PICK1: variants seen among roughly 807,000 people sequenced by gnomAD.
PICK1 encodes the protein PRKCA-binding protein.
A neutral mutation model predicts 48.9 loss-of-function variants in PICK1; 23 were observed. That is an observed-to-expected ratio of 0.47 (90% CI 0.34 to 0.67). The LOEUF (loss-of-function observed/expected upper bound fraction) is 0.67, where lower values mean the gene tolerates loss of function less well. Ranked by LOEUF, PICK1 falls within the 30% of genes least tolerant of loss-of-function variation. The pLI is 0.01. For missense variants in PICK1, 423 were observed against 557.1 expected (o/e 0.76, Z 2.42); for synonymous variants, 217 against 228.2 (o/e 0.95, Z 0.44).
At position 38,065,068 on chromosome 22, in the gene PICK1, A is replaced by G; in HGVS notation, c.220A>G (p.Asn74Asp). ...AGCTGGCGATGAGATCACCGGTGTC[A>G]ATGGCAGGTCAATCAAAGGGAAAAC... is the stretch of plus-strand genomic sequence containing the variant. ...VAAGDEITGV[N>D]GRSIKGKTKV... The change falls in exon 4 of 13, where the codon AAT becomes GAT. Residue 74 changes from asparagine (N) to aspartate (D), a missense_variant. Asn to Asp is a conservative substitution (Grantham distance 23, BLOSUM62 1). Coordinates refer to ENST00000356976, the MANE Select transcript of PICK1 (RefSeq NM_012407.4). The G allele has an allele frequency of 3.7e-6, 6 of 1,614,092 alleles. No individual in the cohort carries two copies. The highest frequency in any genetic ancestry group is 5.1e-6 in the Non-Finnish European group (6 of 1,179,986).
chr22:38,058,094 G>A, intron 2 of PICK1: 2 of 571,598 alleles, frequency 3.5e-6, no homozygotes, highest in South Asian at 4.0e-5. Context: ...GAAGAGCAAA[G>A]CAGATGGAGC....
At chr22:38,064,034 T>C (rs796639801) in intron 3 of PICK1, among the ~76,000 whole-genome samples, 7 of 152,304 alleles carry the variant, frequency 4.6e-5, no homozygotes, top group African/African-American at 1.7e-4. Context: ...ATTTAGGTCT[T>C]TGAACAATTT....
Position 38,065,652 on chromosome 22 carries a change from G to C in PICK1, c.282+522G>C, listed in dbSNP as rs968783192. On this transcript the variant is annotated intron_variant, in intron 4 of 12. Coordinates refer to ENST00000356976, the MANE Select transcript of PICK1 (RefSeq NM_012407.4). ...CCCCTCCCAGGCCAGCTGATCTTCT[G>C]CTCTACAGACCAGAGTCACACACTG... 5.9e-5 allele frequency among the ~76,000 whole-genome samples: 9 copies of C among 152,084 alleles called. No homozygotes were observed. The East Asian group carries it at 1.7e-3, about 30-fold the overall frequency.
At chr22:38,063,777 G>A (rs2085461954) in intron 3 of PICK1, among the ~76,000 whole-genome samples, 1 of 151,582 alleles carries the variant, frequency 6.6e-6, no homozygotes, top group Admixed American at 6.6e-5. Flanking sequence ...CAAGTAGCTG[G>A]GACTACAGGC....
chr22:38,070,114 C>T (rs982892898), intron 6 of PICK1, among the ~76,000 whole-genome samples: 2 of 152,222 alleles, frequency 1.3e-5, no homozygotes, highest in African/African-American at 4.8e-5. Flanking sequence ...CGCACTGCCA[C>T]CTCCCTGCCC....
rs918994919 is a variant in PICK1, at chr22:38,074,510, C to T, written c.979+59C>T. On this transcript the variant is annotated intron_variant, in intron 12 of 12. Transcript: ENST00000356976. This position sits in a 1 kb window ranked among gnomAD's most constrained non-coding sequence, Gnocchi z 4.5. The stretch of plus-strand genomic sequence containing the variant: ...TTTCAGAGGTGGGAAAACTGAGGCC[C>T]AGAGGGGTACTCTCAGGGCCAGGCC... 1.3e-6 allele frequency: 2 copies of T among 1,598,624 alleles called. No homozygotes were observed. Among genetic ancestry groups the T allele is most frequent in the African/African-American group, 2.7e-5 (2 of 74,548 alleles).
Position 38,072,604 on chromosome 22 carries a change from C to A in PICK1, c.684C>A (p.Ile228=), listed in dbSNP as rs761803705. The A allele has an allele frequency of 6.2e-7, 1 of 1,612,966 alleles. No individual in the cohort carries two copies. The highest frequency in any genetic ancestry group is 8.5e-7 in the Non-Finnish European group (1 of 1,180,030). The change falls in exon 9 of 13, where the codon ATC becomes ATA. Residue 228 remains isoleucine, a synonymous_variant. Transcript: ENST00000356976. ...EKFGIRLLKT[I]KPMLTDLNTY... ...TCGGCATTCGGCTTCTGAAAACCATCAAGCCGGTAGGTCCTATTGAGCATG... is the reference window on the plus strand; with the variant it reads ...TCGGCATTCGGCTTCTGAAAACCATAAAGCCGGTAGGTCCTATTGAGCATG...
chr22:38,071,997 T>C (rs1755213891), intron 8 of PICK1: 1 of 558,108 alleles, frequency 1.8e-6, no homozygotes, highest in Admixed American at 3.1e-5. Flanking sequence ...GGCCCTTGCT[T>C]ATTTATATTT....
intron 3 of PICK1, among the ~76,000 whole-genome samples, chr22:38,062,589 C>G (rs2085430223): frequency 6.6e-6 from 1 of 152,158 alleles, no homozygotes; most frequent in African/African-American, 2.4e-5. Flanking sequence ...GTCTCTCCCC[C>G]TTGTGCCCTC....
intron 9 of PICK1, 40 bp downstream of exon 9, chr22:38,072,650 G>T (rs761891777): frequency 6.2e-7 from 1 of 1,609,200 alleles, no homozygotes; most frequent in South Asian, 1.1e-5. Flanking sequence ...GCGTGTGAGG[G>T]TGGGGAGGGG....
chr22:38,074,030 T>A lies in PICK1; in HGVS notation c.834+207T>A, dbSNP rs2085767914. The A allele has an allele frequency of 1.6e-6, 1 of 637,232 alleles. No individual in the cohort carries two copies. Among genetic ancestry groups the A allele is most frequent in the Non-Finnish European group, 2.7e-6 (1 of 366,104 alleles). The allele number at this position is 637,232 out of a possible 1,614,324, so 39.5% of individuals were successfully genotyped here. On this transcript the variant is annotated intron_variant, in intron 11 of 12. Transcript: ENST00000356976. The surrounding 1 kb of genome is among the most constrained non-coding windows in gnomAD (Gnocchi z 4.5). ...GAACCACTCCCTCAGTCTGGGGGAC[T>A]CTTGGAGGGAAATCGGATTTTCTTC...
At chr22:38,058,678 G>A (rs1267483261) in intron 2 of PICK1, among the ~76,000 whole-genome samples, 1 of 152,164 alleles carries the variant, frequency 6.6e-6, no homozygotes, top group Non-Finnish European at 1.5e-5. Flanking sequence ...TTATGGATGA[G>A]GAAATTGAGA....
intron 7 of PICK1, 72 bp from the exon 8 acceptor site, chr22:38,071,610 G>C: frequency 7.4e-7 from 1 of 1,344,488 alleles, no homozygotes; most frequent in Non-Finnish European, 1.1e-6. Flanking sequence ...ATGGGCAATT[G>C]GAGGCCTTGC....
At chr22:38,064,935 G>C (rs773303120) in intron 3 of PICK1, 67 bp from the exon 4 acceptor site, 285 of 1,576,516 alleles carry the variant, frequency 1.8e-4, no homozygotes, top group Middle Eastern at 6.2e-4. Context: ...GCAGTGGTCA[G>C]GTGTCTTCCC....
chr22:38,073,185 G>A lies in PICK1; in HGVS notation c.783+93G>A. 1 of 870,980 alleles carries A rather than the reference G, an allele frequency of 1.1e-6. No homozygotes were observed. The highest frequency in any genetic ancestry group is 2.0e-6 in the Non-Finnish European group (1 of 510,084). 54.0% of individuals were successfully genotyped at this position (870,980 alleles called of 1,614,324 possible). On this transcript the variant is annotated intron_variant, in intron 10 of 12. Coordinates refer to ENST00000356976, the MANE Select transcript of PICK1 (RefSeq NM_012407.4). This position sits in a 1 kb window ranked among gnomAD's most constrained non-coding sequence, Gnocchi z 5.7. ...AGCCATGCTGCGGCCAGCGAGGCCA[G>A]CCAGAGCTGACAGCATGTCTGCTCC...
In PICK1 at chr22:38,074,413, A is replaced by G. The variant is rs2085781474; in HGVS notation, c.941A>G (p.Asp314Gly). The G allele has an allele frequency of 1.2e-6, 2 of 1,613,074 alleles. No homozygotes were observed. The highest frequency in any genetic ancestry group is 1.7e-6 in the Non-Finnish European group (2 of 1,179,946). Reference sequence around the variant, plus strand: ...GCCCGCTTCTCCCAGATGCGCAAGGATGTGCTGGAGAAGATGGAGCTGCTG... The same window carrying G: ...GCCCGCTTCTCCCAGATGCGCAAGGGTGTGCTGGAGAAGATGGAGCTGCTG... ...ARARFSQMRK[D>G]VLEKMELLDQ... Residue 314 changes from aspartate to glycine, a missense_variant, in exon 12 of 13, where the codon GAT (aspartate) becomes GGT (glycine). Physicochemically the swap from Asp to Gly is moderately conservative, Grantham distance 94. This residue lies in a region of PICK1 where 144 missense variants were observed against 139.3 expected (regional missense o/e 1.03). Coordinates refer to ENST00000356976, the MANE Select transcript of PICK1 (RefSeq NM_012407.4). The surrounding 1 kb of genome is among the most constrained non-coding windows in gnomAD (Gnocchi z 4.5).
Position 38,071,751 on chromosome 22 carries a change from G to A in PICK1, c.556+7G>A. On this transcript the variant is annotated splice_region_variant and intron_variant, in intron 8 of 12. Transcript: ENST00000356976. ...CTGTCGCAGACTCACCGGGGTAATGGCATCCCCCAAAGCTGTGGTGTGACC... is the reference window on the plus strand; with the variant it reads ...CTGTCGCAGACTCACCGGGGTAATGACATCCCCCAAAGCTGTGGTGTGACC... 6.2e-7 allele frequency: 1 copy of A among 1,611,154 alleles called. No homozygotes were observed. Among genetic ancestry groups the A allele is most frequent in the East Asian group, 2.2e-5 (1 of 44,858 alleles).
rs2085516248 is a variant in PICK1 at position 38,066,019 on chromosome 22, C to A, written c.282+889C>A. ...CAGCCGCTGCTCCATCCTCTCTCCC[C>A]TTTATCCTCCTGTCCTGCTCCTGAG... is the stretch of plus-strand genomic sequence containing the variant. On this transcript the variant is annotated intron_variant, in intron 4 of 12. Transcript: ENST00000356976. The surrounding 1 kb of genome is among the most constrained non-coding windows in gnomAD (Gnocchi z 4.1). Among the ~76,000 whole-genome samples the A allele has an allele frequency of 6.6e-6, 1 of 152,204 alleles. No homozygotes were observed. Among genetic ancestry groups the A allele is most frequent in the African/African-American group, 2.4e-5 (1 of 41,454 alleles).
At chr22:38,057,945 C>T in intron 2 of PICK1, 95 bp downstream of exon 2, 1 of 1,010,350 alleles carries the variant, frequency 9.9e-7, no homozygotes, top group Non-Finnish European at 1.6e-6. Context: ...TGCTTCTCAG[C>T]GGTGGATCAG....
Sources: allele counts gnomAD v4.1 joint callset (sites outside exome capture counted in the v4.1 genomes callset), GRCh38; gene constraint gnomAD v4.1.1; regional missense constraint gnomAD v4.1.1; non-coding constraint Gnocchi (gnomAD v3.1); transcripts MANE v1.5; gene names NCBI Gene and HGNC (gene_info 2026-07-23, HGNC 2026-07-21).